Variants in DLGAP2 observed in about 807,000 individuals in gnomAD.
DLGAP2 encodes disks large-associated protein 2.
Under a neutral mutation model 100.3 loss-of-function variants are expected in DLGAP2, and 26 were observed. That is an observed-to-expected ratio of 0.26 (90% CI 0.19 to 0.36). The LOEUF (loss-of-function observed/expected upper bound fraction) is 0.36, where lower values mean the gene tolerates loss of function less well. Among genes scored for constraint, DLGAP2 ranks in the 10% least tolerant of loss-of-function variants. The probability of loss-of-function intolerance (pLI) is 1.00; values close to 1 mark genes in which losing one functional copy is unlikely to be tolerated. For synonymous variants in DLGAP2, 886 were observed against 630.1 expected (o/e 1.41, Z -6.08); for missense variants, 1,858 against 1,453.2 (o/e 1.28, Z -4.53).
chr8:1,022,386 A>C (rs1301897638), intron 2 of DLGAP2, among the ~76,000 whole-genome samples: 3 of 136,962 alleles, frequency 2.2e-5, no homozygotes, highest in African/African-American at 8.4e-5. Context: ...GGGAGTGGAC[A>C]GTCCCGTGCC....
At chr8:1,500,230 GC>G (rs1799673599) in intron 3 of DLGAP2, among the ~76,000 whole-genome samples, 1 of 152,180 alleles carries the variant, frequency 6.6e-6, no homozygotes, top group African/African-American at 2.4e-5. Flanking sequence ...GATGCTCCCT[GC>G]CCCCCTCCTC....
At chr8:1,318,778 G>GCCCCCCCCCCCCCCCCCCCCCCC (rs34614425) in intron 3 of DLGAP2, among the ~76,000 whole-genome samples, 3 of 105,572 alleles carry the variant, frequency 2.8e-5, no homozygotes, top group African/African-American at 4.3e-5. Flanking sequence ...TCAGTGATCA[G>GCCCCCCCCCCCCCCCCCCCCCCC]CCCCCCCCCC....
chr8:1,444,771 C>CTTTTTTTTTTTTT (rs914045708), intron 3 of DLGAP2, among the ~76,000 whole-genome samples: 2 of 79,852 alleles, frequency 2.5e-5, no homozygotes, highest in South Asian at 4.9e-4. Flanking sequence ...CCAGGTCATT[C>CTTTTTTTTTTTTT]TTTTTTTTTT....
intron 2 of DLGAP2, among the ~76,000 whole-genome samples, chr8:1,038,588 A>G (rs1224126140): frequency 6.6e-6 from 1 of 152,268 alleles, no homozygotes; most frequent in East Asian, 1.9e-4. Flanking sequence ...AAGTAGCCCC[A>G]TTATGCGTTA....
chr8:1,379,900 C>T (rs772356982), intron 3 of DLGAP2, among the ~76,000 whole-genome samples: 1 of 147,732 alleles, frequency 6.8e-6, no homozygotes, highest in Non-Finnish European at 1.5e-5. Context: ...TCCCTCCCCT[C>T]CTGCTCGGTG....
At chr8:1,363,984 C>T (rs1297411935) in intron 3 of DLGAP2, among the ~76,000 whole-genome samples, 1 of 152,150 alleles carries the variant, frequency 6.6e-6, no homozygotes, top group Non-Finnish European at 1.5e-5. Flanking sequence ...CCTCCCCAGC[C>T]CCTCATCCTC....
chr8:1,351,670 T>C (rs1228009539), intron 3 of DLGAP2, among the ~76,000 whole-genome samples: 8 of 58,902 alleles, frequency 1.4e-4, no homozygotes, highest in East Asian at 2.0e-3. Flanking sequence ...CCTGACTGTG[T>C]GTGGAACGGC....
chr8:1,535,355 A>T (rs1482144870), intron 4 of DLGAP2, among the ~76,000 whole-genome samples: 2 of 152,222 alleles, frequency 1.3e-5, no homozygotes, highest in African/African-American at 4.8e-5. Flanking sequence ...GAGAAAGAGG[A>T]TGTGATTTAT....
intron 2 of DLGAP2, among the ~76,000 whole-genome samples, chr8:927,724 G>T (rs1798849107): frequency 6.6e-6 from 1 of 152,318 alleles, no homozygotes; most frequent in South Asian, 2.1e-4. Flanking sequence ...GATGTATGGA[G>T]CAGGAAGGAG....
intron 2 of DLGAP2, among the ~76,000 whole-genome samples, chr8:1,237,544 C>A (rs1455622659): frequency 6.9e-6 from 1 of 144,118 alleles, no homozygotes; most frequent in Non-Finnish European, 1.5e-5. Flanking sequence ...GTCTAGTTCT[C>A]TCACATGGCG....
Position 1,390,585 on chromosome 8 carries a change from G to T in DLGAP2, c.107-110781G>T, listed in dbSNP as rs565283947. Among the ~76,000 whole-genome samples, 3 of 152,184 alleles carry T rather than the reference G, an allele frequency of 2.0e-5. No homozygotes were observed. In the East Asian group the frequency reaches 5.8e-4, roughly 29 times the overall value. On this transcript the variant is annotated intron_variant, in intron 3 of 14. Transcript: ENST00000637795. ...GCTTGCGGGCCTCTGGTCTCTGCGT[G>T]CCGCCTCCCTTGCCTGCTTGAGGAC...
intron 1 of DLGAP2, among the ~76,000 whole-genome samples, chr8:781,861 C>G (rs1563429214): frequency 2.0e-5 from 3 of 152,114 alleles, no homozygotes; most frequent in South Asian, 4.2e-4. Context: ...TTTTTTGTTT[C>G]TTTTGTGAAA....
intron 2 of DLGAP2, among the ~76,000 whole-genome samples, chr8:1,053,302 C>T (rs940230198): frequency 5.3e-5 from 8 of 152,042 alleles, no homozygotes; most frequent in African/African-American, 1.9e-4. Context: ...TTGTAAAATG[C>T]CTTCTTCATA....
At chr8:1,061,763 C>G (rs778205475) in intron 2 of DLGAP2, among the ~76,000 whole-genome samples, 1 of 151,990 alleles carries the variant, frequency 6.6e-6, no homozygotes, top group Admixed American at 6.6e-5. Context: ...AGGACTTTCT[C>G]GGAGGTTGCA....
intron 6 of DLGAP2, among the ~76,000 whole-genome samples, chr8:1,584,602 C>G (rs889229424): frequency 3.9e-5 from 6 of 152,164 alleles, no homozygotes; most frequent in African/African-American, 1.4e-4. Context: ...GCACTCTGAT[C>G]GGTCCAGCCC....
intron 2 of DLGAP2, among the ~76,000 whole-genome samples, chr8:1,195,661 C>T (rs761928388): frequency 6.6e-6 from 1 of 152,006 alleles, no homozygotes; most frequent in African/African-American, 2.4e-5. Context: ...AAAGGATTCT[C>T]TTCTTTTTTG....
chr8:1,685,185 C>T (rs888889130), intron 12 of DLGAP2, among the ~76,000 whole-genome samples: 4 of 151,228 alleles, frequency 2.6e-5, no homozygotes, highest in Non-Finnish European at 2.9e-5. Context: ...ACTCACACAG[C>T]GGTCAGCAGC....
chr8:1,629,005 A>G (rs1318906429), intron 7 of DLGAP2, among the ~76,000 whole-genome samples: 1 of 152,262 alleles, frequency 6.6e-6, no homozygotes, highest in African/African-American at 2.4e-5. Context: ...TATTACCATG[A>G]TAACAATAAG....
At chr8:1,570,165 C>T (rs1253553876) in intron 6 of DLGAP2, among the ~76,000 whole-genome samples, 1 of 152,206 alleles carries the variant, frequency 6.6e-6, no homozygotes, top group African/African-American at 2.4e-5. Flanking sequence ...TCATAGGGAC[C>T]TCAGATTAAA....
Sources: gnomAD v4.1 joint callset for allele counts (sites outside exome capture counted in the v4.1 genomes callset) on GRCh38, gnomAD v4.1.1 for gene constraint, MANE v1.5 for transcripts, NCBI Gene and HGNC (gene_info 2026-07-23, HGNC 2026-07-21) for gene names.